GPNMB: variants seen among roughly 807,000 people sequenced by gnomAD.
The protein encoded by GPNMB is glycoprotein nmb.
Under a neutral mutation model 57.3 loss-of-function variants are expected in GPNMB, and 71 were observed. The observed-to-expected ratio is 1.24, with a 90% CI of 1.02 to 1.51. The LOEUF (loss-of-function observed/expected upper bound fraction) is 1.51. Ranked by LOEUF, GPNMB falls within the 40% of genes most tolerant of loss-of-function variation. The pLI, the probability that GPNMB is intolerant of heterozygous loss-of-function variation, is 0.00. For synonymous variants in GPNMB, 253 were observed against 263.2 expected, an observed-to-expected ratio of 0.96 and a Z score of 0.38; for missense variants, 677 against 691.9, an observed-to-expected ratio of 0.98 and a Z score of 0.24.
rs1340486885 is a variant in GPNMB, at chr7:23,250,232, C to T, written c.71-3075C>T. On this transcript the variant is annotated intron_variant, in intron 1 of 10. Transcript: ENST00000258733. ...TCTCCCAGTCTGTAGCTTGCCTTTT[C>T]ATCCTCTTTCATGTCATGTTTCAGA... Among the ~76,000 whole-genome samples, 3 of 152,280 alleles carry T rather than the reference C, an allele frequency of 2.0e-5. No homozygotes were observed. In the East Asian group the frequency reaches 5.8e-4, roughly 29 times the overall value.
chr7:23,274,094 A>C lies in GPNMB; in HGVS notation c.1553A>C (p.Asn518Thr). 1 of 1,612,858 alleles carries C rather than the reference A, an allele frequency of 6.2e-7. No individual in the cohort carries two copies. Among genetic ancestry groups the C allele is most frequent in the Non-Finnish European group, 8.5e-7 (1 of 1,179,136 alleles). Residue 518 changes from asparagine (N) to threonine (T), a missense_variant, in exon 11 of 11, where the codon AAT becomes ACT. Physicochemically the swap from Asn to Thr is moderately conservative, Grantham distance 65 (BLOSUM62 0). Coordinates refer to ENST00000258733, the MANE Select transcript of GPNMB (RefSeq NM_002510.3). Reference protein sequence around the residue: ...KKHKEYNPIENSPGNVVRSKG... With the variant: ...KKHKEYNPIETSPGNVVRSKG... Reference sequence around the variant, plus strand: ...CACAAGGAATACAACCCAATAGAAAATAGTCCTGGGAATGTGGTCAGAAGC... The same window carrying C: ...CACAAGGAATACAACCCAATAGAAACTAGTCCTGGGAATGTGGTCAGAAGC...
chr7:23,273,671 T>C lies in GPNMB; in HGVS notation c.1523+57T>C, dbSNP rs1783267550. On this transcript the variant is annotated intron_variant, in intron 10 of 10. Transcript: ENST00000258733. ...TATAGTGTATTGTCAAAAGTGAATATATCTCTGTGTAAATAGGCATTTTTC... is the reference window on the plus strand; with the variant it reads ...TATAGTGTATTGTCAAAAGTGAATACATCTCTGTGTAAATAGGCATTTTTC... 3.7e-6 allele frequency: 4 copies of C among 1,086,090 alleles called. No homozygotes were observed. The South Asian group carries it at 5.1e-5, about 14-fold the overall frequency. The allele number at this position is 1,086,090 out of a possible 1,614,324, so 67.3% of individuals were successfully genotyped here. A position where few individuals can be genotyped will look rare whatever the true frequency, so the allele number is the denominator to read the frequency against.
At chr7:23,256,447 G>T (rs1782780469) in intron 3 of GPNMB, among the ~76,000 whole-genome samples, 1 of 152,172 alleles carries the variant, frequency 6.6e-6, no homozygotes, top group Non-Finnish European at 1.5e-5. Context: ...TGATAATGGT[G>T]TCAGGGCTAT....
At chr7:23,250,279 A>G (rs1156455698) in intron 1 of GPNMB, among the ~76,000 whole-genome samples, 2 of 152,056 alleles carry the variant, frequency 1.3e-5, no homozygotes, top group Non-Finnish European at 1.5e-5. Context: ...TTTTATTTTA[A>G]TGAGTTCCAA....
chr7:23,253,048 G>A (rs904446178), intron 1 of GPNMB, among the ~76,000 whole-genome samples: 10 of 152,144 alleles, frequency 6.6e-5, no homozygotes, highest in Non-Finnish European at 1.2e-4. Context: ...GTATTGAGAA[G>A]CCAAGTGATG....
At chr7:23,273,674 C>G in intron 10 of GPNMB, 60 bp downstream of exon 10, 2 of 1,085,106 alleles carry the variant, frequency 1.8e-6, no homozygotes, top group Non-Finnish European at 2.8e-6. Flanking sequence ...GTGAATATAT[C>G]TCTGTGTAAA....
At position 23,253,292 on chromosome 7, in the gene GPNMB, C is replaced by T. The variant is rs759927081; in HGVS notation, c.71-15C>T. The T allele has an allele frequency of 7.5e-6, 12 of 1,606,370 alleles. No homozygotes were observed. The highest frequency in any genetic ancestry group is 2.7e-5 in the African/African-American group (2 of 74,550). Reference sequence around the variant, plus strand: ...ACTAAATGAAGAATGGAATTTGTTTCGAATATTGATACAGGATTTCATGAT... The same window carrying T: ...ACTAAATGAAGAATGGAATTTGTTTTGAATATTGATACAGGATTTCATGAT... On this transcript the variant is annotated splice_polypyrimidine_tract_variant and intron_variant, in intron 1 of 10. Coordinates refer to ENST00000258733, the MANE Select transcript of GPNMB (RefSeq NM_002510.3).
chr7:23,246,868 TCTA>T lies in GPNMB; in HGVS notation c.15_17del (p.Tyr6del). ...CCGTGAGAATTCAGCATGGAATGTCTCTACTATTTCCTGGGATTTCTGCTCCTG... is the reference window on the plus strand; with the variant it reads ...CCGTGAGAATTCAGCATGGAATGTCTCTATTTCCTGGGATTTCTGCTCCTG... On this transcript the variant is annotated inframe_deletion, in exon 1 of 11. Transcript: ENST00000258733. The T allele has an allele frequency of 1.2e-6, 2 of 1,613,628 alleles. No individual in the cohort carries two copies. Among genetic ancestry groups the T allele is most frequent in the Non-Finnish European group, 1.7e-6 (2 of 1,179,546 alleles).
In GPNMB at chr7:23,273,289, A is replaced by G. The variant is rs143357634; in HGVS notation, c.1430-232A>G. 415 of 481,880 alleles carry G rather than the reference A, an allele frequency of 8.6e-4. 2 individuals are homozygous for G. Among genetic ancestry groups the G allele is most frequent in the African/African-American group, 7.4e-3 (375 of 50,556 alleles). The allele number at this position is 481,880 out of a possible 1,614,324, so 29.9% of individuals were successfully genotyped here. ...TGAGCAGGTGTCTCCAGGACGTGAC[A>G]TCTCTCCCCCGCGCCCTTACCACAG... On this transcript the variant is annotated intron_variant, in intron 9 of 10. Transcript: ENST00000258733.
At chr7:23,261,602 CG>C (rs1782925303) in intron 6 of GPNMB, among the ~76,000 whole-genome samples, 1 of 151,670 alleles carries the variant, frequency 6.6e-6, no homozygotes, top group Non-Finnish European at 1.5e-5. Flanking sequence ...GGACACAGGG[CG>C]GGGAACATCA....
chr7:23,266,339 C>G (rs979274358), intron 6 of GPNMB, 178 bp from the exon 7 acceptor site: 4 of 614,968 alleles, frequency 6.5e-6, no homozygotes, highest in Non-Finnish European at 1.1e-5. Flanking sequence ...CCTTATAGCT[C>G]TCACATCTGT....
intron 1 of GPNMB, chr7:23,247,651 G>C (rs753719691): frequency 2.6e-5 from 4 of 152,754 alleles, no homozygotes; most frequent in Non-Finnish European, 5.8e-5. Flanking sequence ...CTGGGATTGC[G>C]GGGACGGGAC....
chr7:23,253,597 T>C, intron 2 of GPNMB, 138 bp downstream of exon 2: 2 of 665,222 alleles, frequency 3.0e-6, no homozygotes, highest in Non-Finnish European at 5.1e-6. Context: ...GGGAGGCACC[T>C]GGACTTGGCA....
At chr7:23,262,690 C>T (rs1360950722) in intron 6 of GPNMB, among the ~76,000 whole-genome samples, 2 of 134,124 alleles carry the variant, frequency 1.5e-5, no homozygotes, top group African/African-American at 5.3e-5. Context: ...ACAATCTTGG[C>T]TCACTGCAAC....
rs1583820133 is a variant in GPNMB, at chr7:23,256,789, T to G, written c.368-103T>G. 3.5e-6 allele frequency: 3 copies of G among 855,302 alleles called. No individual in the cohort carries two copies. The East Asian group carries it at 7.4e-5, about 21-fold the overall frequency. 53.0% of individuals were successfully genotyped at this position (855,302 alleles called of 1,614,324 possible). ...TTTAGTTGTCTAACTACTTTTAAAC[T>G]AGTTATGAAAAAAATACGAAAAAGT... On this transcript the variant is annotated intron_variant, in intron 3 of 10. Coordinates refer to ENST00000258733, the MANE Select transcript of GPNMB (RefSeq NM_002510.3).
At chr7:23,255,259 C>T (rs540350070) in intron 3 of GPNMB, among the ~76,000 whole-genome samples, 16 of 152,262 alleles carry the variant, frequency 1.1e-4, no homozygotes, top group East Asian at 7.8e-4. Context: ...CCTCGTGGTC[C>T]GCCCGCCTCG....
chr7:23,248,642 G>C (rs1000961541), intron 1 of GPNMB, among the ~76,000 whole-genome samples: 10 of 152,200 alleles, frequency 6.6e-5, no homozygotes, highest in Admixed American at 5.9e-4. Context: ...GGTGGACACA[G>C]CAAGGATGCC....
At chr7:23,271,686 C>A (rs1403197639) in intron 9 of GPNMB, among the ~76,000 whole-genome samples, 3 of 151,980 alleles carry the variant, frequency 2.0e-5, no homozygotes. Context: ...GTCCCAGCTA[C>A]TCGGGAGGCT....
chr7:23,273,410 G>C (rs1783257091), intron 9 of GPNMB, 111 bp from the exon 10 acceptor site: 3 of 700,824 alleles, frequency 4.3e-6, no homozygotes, highest in Non-Finnish European at 7.6e-6. Flanking sequence ...AGCCCAGAGG[G>C]AGCCATATAT....
Sources: gnomAD v4.1 joint callset for allele counts (sites outside exome capture counted in the v4.1 genomes callset) on GRCh38, gnomAD v4.1.1 for gene constraint, MANE v1.5 for transcripts, NCBI Gene and HGNC (gene_info 2026-07-23, HGNC 2026-07-21) for gene names.